Variants in KIF16B observed in about 807,000 individuals in gnomAD.
KIF16B encodes kinesin family member 16B, also known as kinesin-like protein KIF16B.
Under a neutral mutation model 156.3 loss-of-function variants are expected in KIF16B, and 98 were observed. The ratio of observed to expected loss-of-function variants is 0.63; its 90% CI spans 0.53 to 0.74. KIF16B has a LOEUF of 0.74. Among genes scored for constraint, KIF16B ranks in the 30% least tolerant of loss-of-function variants. The pLI is 0.00. For missense variants in KIF16B, 1,421 were observed against 1,606.5 expected, an observed-to-expected ratio of 0.88 and a Z score of 1.97; for synonymous variants, 564 against 583.7, an observed-to-expected ratio of 0.97 and a Z score of 0.49.
intron 1 of KIF16B, among the ~76,000 whole-genome samples, chr20:16,541,296 C>T (rs1407281793): frequency 6.6e-6 from 1 of 152,190 alleles, no homozygotes; most frequent in East Asian, 1.9e-4. Context: ...GGCAATCACC[C>T]TGACTTCATT....
rs114360892 is a variant in KIF16B, at chr20:16,532,874, G to T, written c.48-4434C>A. 1.8e-3 allele frequency among the ~76,000 whole-genome samples: 279 copies of T among 152,284 alleles called. 2 individuals carry two copies. The highest frequency in any genetic ancestry group is 6.6e-3 in the African/African-American group (273 of 41,566). ...ACAATGCCCACCACTCCTGCTGGAA[G>T]CCAGAGACTCCATAACTCCCCATCT... is the stretch of plus-strand genomic sequence containing the variant. On this transcript the variant is annotated intron_variant, in intron 1 of 25. Coordinates refer to ENST00000354981, the MANE Select transcript of KIF16B (RefSeq NM_024704.5).
intron 9 of KIF16B, among the ~76,000 whole-genome samples, chr20:16,505,433 C>A (rs1419510419): frequency 6.6e-6 from 1 of 152,052 alleles, no homozygotes; most frequent in African/African-American, 2.4e-5. Flanking sequence ...TGATTTTTCT[C>A]CTATGAGGTA....
chr20:16,528,907 G>A (rs1170939942), intron 1 of KIF16B, among the ~76,000 whole-genome samples: 1 of 152,154 alleles, frequency 6.6e-6, no homozygotes, highest in East Asian at 1.9e-4. Context: ...TTCTACATCT[G>A]TTCAGAAACT....
intron 25 of KIF16B, among the ~76,000 whole-genome samples, chr20:16,277,129 T>C (rs1435344972): frequency 6.6e-6 from 1 of 152,212 alleles, no homozygotes; most frequent in Admixed American, 6.5e-5. Context: ...GGATATACTC[T>C]TTTGTGTCTG....
intron 24 of KIF16B, among the ~76,000 whole-genome samples, chr20:16,329,223 G>GT (rs959003586): frequency 3.9e-5 from 6 of 152,158 alleles, no homozygotes; most frequent in Admixed American, 3.9e-4. Flanking sequence ...GGTTTTAAAA[G>GT]TTTTTTTCTC....
At chr20:16,281,121 G>C (rs772809353) in intron 25 of KIF16B, among the ~76,000 whole-genome samples, 5 of 151,992 alleles carry the variant, frequency 3.3e-5, no homozygotes, top group Non-Finnish European at 7.4e-5. Context: ...TTGTTGTGAG[G>C]TCCTCTTTAT....
At chr20:16,367,457 G>A (rs749055178) in intron 22 of KIF16B, 16 of 1,612,726 alleles carry the variant, frequency 9.9e-6, no homozygotes, top group Middle Eastern at 1.6e-4. Context: ...GGTATGTTTC[G>A]AGATCGAATG....
At chr20:16,393,806 G>T (rs1166036948) in intron 17 of KIF16B, among the ~76,000 whole-genome samples, 1 of 152,188 alleles carries the variant, frequency 6.6e-6, no homozygotes, top group Non-Finnish European at 1.5e-5. Context: ...TCCTCTTTGA[G>T]GAAGTGACAT....
intron 1 of KIF16B, among the ~76,000 whole-genome samples, chr20:16,571,385 G>A (rs750854301): frequency 6.6e-6 from 1 of 152,050 alleles, no homozygotes; most frequent in Non-Finnish European, 1.5e-5. Context: ...AACATCACGC[G>A]AATCTGCCTC....
chr20:16,561,810 G>C lies in KIF16B; in HGVS notation c.47+11419C>G, dbSNP rs556549805. ...TATTTGTGATAAAACATCAGAGAAA[G>C]CCACACTGAGAACCATTCTAAAAAA... is the stretch of plus-strand genomic sequence containing the variant. On this transcript the variant is annotated intron_variant, in intron 1 of 25. Coordinates refer to ENST00000354981, the MANE Select transcript of KIF16B (RefSeq NM_024704.5). Among the ~76,000 whole-genome samples, 7 of 152,282 alleles carry C rather than the reference G, an allele frequency of 4.6e-5. No individual in the cohort carries two copies. The South Asian group carries it at 1.5e-3, about 32-fold the overall frequency.
intron 25 of KIF16B, among the ~76,000 whole-genome samples, 182 bp from the exon 26 acceptor site, chr20:16,273,593 G>A (rs1173705967): frequency 6.6e-6 from 1 of 152,014 alleles, no homozygotes; most frequent in Non-Finnish European, 1.5e-5. Context: ...GAGCCCAGGA[G>A]GTAGAGGCTG....
chr20:16,277,993 G>T (rs910678204), intron 25 of KIF16B, among the ~76,000 whole-genome samples: 18 of 152,160 alleles, frequency 1.2e-4, no homozygotes, highest in African/African-American at 4.3e-4. Flanking sequence ...AACAGCAAAA[G>T]CACCTCCTAG....
intron 24 of KIF16B, among the ~76,000 whole-genome samples, chr20:16,323,287 G>T: frequency 6.6e-6 from 1 of 152,010 alleles, no homozygotes; most frequent in Middle Eastern, 3.2e-3. Context: ...TCTTTTGCAA[G>T]TAAACCCACC....
At chr20:16,441,519 G>A (rs1278690054) in intron 12 of KIF16B, among the ~76,000 whole-genome samples, 2 of 152,090 alleles carry the variant, frequency 1.3e-5, no homozygotes, top group African/African-American at 4.8e-5. Context: ...TCTCCCGCTA[G>A]ACCAAGAAGC....
chr20:16,407,723 C>A (rs1413721863), intron 15 of KIF16B, among the ~76,000 whole-genome samples: 1 of 152,076 alleles, frequency 6.6e-6, no homozygotes, highest in Non-Finnish European at 1.5e-5. Flanking sequence ...CCTGTGAAGA[C>A]CGGAGAACAA....
intron 7 of KIF16B, 53 bp downstream of exon 7, chr20:16,507,905 C>A (rs776843622): frequency 2.9e-5 from 47 of 1,599,180 alleles, no homozygotes; most frequent in Non-Finnish European, 4.0e-5. Flanking sequence ...TGGTGCTAAT[C>A]AGCAAGTAAA....
chr20:16,497,782 A>G, intron 10 of KIF16B, 104 bp from the exon 11 acceptor site: 1 of 883,964 alleles, frequency 1.1e-6, no homozygotes, highest in South Asian at 1.5e-5. Flanking sequence ...AAACTATTAA[A>G]GGTAAAAAGC....
At chr20:16,279,523 G>C (rs1412961222) in intron 25 of KIF16B, among the ~76,000 whole-genome samples, 1 of 152,150 alleles carries the variant, frequency 6.6e-6, no homozygotes, top group East Asian at 1.9e-4. Context: ...GCGCTGGCAG[G>C]GGGCAGACAA....
At chr20:16,286,861 T>C (rs1057099858) in intron 25 of KIF16B, among the ~76,000 whole-genome samples, 1 of 152,152 alleles carries the variant, frequency 6.6e-6, no homozygotes, top group Non-Finnish European at 1.5e-5. Context: ...TAAACCTAGG[T>C]GGGGTTTGTG....
Sources: gnomAD v4.1 joint callset for allele counts (sites outside exome capture counted in the v4.1 genomes callset) on GRCh38, gnomAD v4.1.1 for gene constraint, MANE v1.5 for transcripts, NCBI Gene and HGNC (gene_info 2026-07-23, HGNC 2026-07-21) for gene names.